The following GNA11 variants were observed in gnomAD, a reference collection of about 807,000 sequenced individuals.
GNA11 encodes G protein subunit alpha 11.
In GNA11, 8 loss-of-function variants were observed where a neutral mutation model predicts 38.2. That is an observed-to-expected ratio of 0.21 (90% CI 0.12 to 0.38). The LOEUF is 0.38. Ranked by LOEUF, GNA11 falls within the 10% of genes least tolerant of loss-of-function variation. The probability of loss-of-function intolerance (pLI) is 1.00; values close to 1 mark genes in which losing one functional copy is unlikely to be tolerated. For missense variants in GNA11, 268 were observed against 516.3 expected (o/e 0.52, Z 4.66); for synonymous variants, 211 against 221.4 (o/e 0.95, Z 0.42).
At chr19:3,112,796 G>T (rs74948761) in intron 2 of GNA11, among the ~76,000 whole-genome samples, 1 of 152,218 alleles carries the variant, frequency 6.6e-6, no homozygotes, top group African/African-American at 2.4e-5. Flanking sequence ...TTTTTCGGAC[G>T]AAAGAGAGAA....
chr19:3,102,443 G>C (rs1746867528), intron 1 of GNA11, among the ~76,000 whole-genome samples: 1 of 152,210 alleles, frequency 6.6e-6, no homozygotes, highest in Admixed American at 6.5e-5. Context: ...GGTGAGCCGG[G>C]TGCACTTCCT....
chr19:3,113,521 C>T (rs2145319084), intron 3 of GNA11, 37 bp downstream of exon 3: 2 of 1,443,112 alleles, frequency 1.4e-6, no homozygotes, highest in Non-Finnish European at 1.8e-6. Flanking sequence ...CTGGGGACGG[C>T]AGCTGCGGGC....
chr19:3,114,513 AGCCTCTG>A (rs1199591586), intron 3 of GNA11, among the ~76,000 whole-genome samples: 2 of 152,102 alleles, frequency 1.3e-5, no homozygotes, highest in Non-Finnish European at 2.9e-5. Context: ...GGACCTCTGC[AGCCTCTG>A]CAGCTGCGAC....
chr19:3,097,016 A>G (rs1353558571), intron 1 of GNA11, among the ~76,000 whole-genome samples: 1 of 152,058 alleles, frequency 6.6e-6, no homozygotes, highest in East Asian at 1.9e-4. Context: ...GAGGACTTTG[A>G]CCACCTGAGG....
At chr19:3,116,140 G>T (rs949695394) in intron 4 of GNA11, among the ~76,000 whole-genome samples, 1 of 152,088 alleles carries the variant, frequency 6.6e-6, no homozygotes, top group Non-Finnish European at 1.5e-5. Context: ...AGCAGAGCCG[G>T]GTTCTCCCTG....
intron 4 of GNA11, among the ~76,000 whole-genome samples, chr19:3,116,429 C>T (rs889383846): frequency 2.0e-5 from 3 of 152,152 alleles, no homozygotes; most frequent in African/African-American, 7.2e-5. Flanking sequence ...CCAGGCCTCA[C>T]TCGGCTCCTA....
chr19:3,105,610 C>G (rs1913621734), intron 1 of GNA11, among the ~76,000 whole-genome samples: 2 of 152,152 alleles, frequency 1.3e-5, no homozygotes, highest in Admixed American at 6.5e-5. Context: ...CCTCCCAACA[C>G]CACTGTCTTA....
chr19:3,109,003 C>T (rs1429635341), intron 1 of GNA11, among the ~76,000 whole-genome samples: 2 of 152,206 alleles, frequency 1.3e-5, no homozygotes, highest in Non-Finnish European at 2.9e-5. Flanking sequence ...AGGAGGAAGG[C>T]CTGTGCCTTT....
chr19:3,096,065 C>T (rs1481956357), intron 1 of GNA11, among the ~76,000 whole-genome samples: 4 of 152,126 alleles, frequency 2.6e-5, no homozygotes, highest in Non-Finnish European at 5.9e-5. Context: ...TGAGAGGCAG[C>T]GGTGACGGAG....
rs548910267 is a variant in GNA11 at position 3,115,657 on chromosome 19, C to T, written c.605+585C>T. ...CAGCATGGGGCTGGGGTCTGGAGTG[C>T]TGGCCGGAGCAGGGGGTGCCGCATG... On this transcript the variant is annotated intron_variant, in intron 4 of 6. Coordinates refer to ENST00000078429, the MANE Select transcript of GNA11 (RefSeq NM_002067.5). 1.5e-4 allele frequency among the ~76,000 whole-genome samples: 22 copies of T among 150,072 alleles called. No individual in the cohort carries two copies. In the East Asian group the frequency reaches 4.2e-3, roughly 29 times the overall value.
chr19:3,109,985 C>T (rs1029820727), intron 1 of GNA11, among the ~76,000 whole-genome samples, 164 bp from the exon 2 acceptor site: 1 of 151,988 alleles, frequency 6.6e-6, no homozygotes, highest in Non-Finnish European at 1.5e-5. Flanking sequence ...AAACTCTTTC[C>T]GAGGAGTCAG....
chr19:3,111,148 C>T (rs983781194), intron 2 of GNA11, among the ~76,000 whole-genome samples: 2 of 128,400 alleles, frequency 1.6e-5, no homozygotes, highest in Admixed American at 9.8e-5. Flanking sequence ...ATTTGATGCC[C>T]TGTTTTTAAA....
chr19:3,102,651 A>G (rs1299423004), intron 1 of GNA11, among the ~76,000 whole-genome samples: 1 of 152,120 alleles, frequency 6.6e-6, no homozygotes, highest in Non-Finnish European at 1.5e-5. Context: ...CCTCCAGTCA[A>G]TCAGGCGCTG....
rs1427651856 is a variant in GNA11, at chr19:3,123,880, G to T, written c.*2701G>T. ...GGAGGAGGGGCTGAGGAGCGGCTCA[G>T]TGTCACCTCCCACAGCCACCGGCCC... On this transcript the variant is annotated 3_prime_UTR_variant, in exon 7 of 7. Coordinates refer to ENST00000078429, the MANE Select transcript of GNA11 (RefSeq NM_002067.5). 1 of 232,624 alleles carries T rather than the reference G, an allele frequency of 4.3e-6. No homozygotes were observed. Among genetic ancestry groups the T allele is most frequent in the Non-Finnish European group, 8.5e-6 (1 of 117,642 alleles). 14.4% of individuals were successfully genotyped at this position (232,624 alleles called of 1,614,324 possible).
intron 1 of GNA11, among the ~76,000 whole-genome samples, chr19:3,107,892 G>T (rs1471937720): frequency 6.6e-6 from 1 of 152,128 alleles, no homozygotes; most frequent in Non-Finnish European, 1.5e-5. Flanking sequence ...GGCGTGTGGG[G>T]GTCCCTCTGG....
At chr19:3,106,725 T>C (rs1913648009) in intron 1 of GNA11, among the ~76,000 whole-genome samples, 2 of 152,122 alleles carry the variant, frequency 1.3e-5, no homozygotes, top group African/African-American at 2.4e-5. Flanking sequence ...ACCATGCACG[T>C]GTGTGCTGAT....
rs1187482614 is a variant in GNA11, at chr19:3,120,077, G to A, written c.889+718G>A. On this transcript the variant is annotated intron_variant, in intron 6 of 6. Coordinates refer to ENST00000078429, the MANE Select transcript of GNA11 (RefSeq NM_002067.5). The surrounding 1 kb of genome is among the most constrained non-coding windows in gnomAD (Gnocchi z 5.9). ...CCCTGCCAGGCACAGTGAGGCCCTGGGCAGCTCTGGCGCCCTCATTTCCAC... is the reference window on the plus strand; with the variant it reads ...CCCTGCCAGGCACAGTGAGGCCCTGAGCAGCTCTGGCGCCCTCATTTCCAC... 2.0e-5 allele frequency among the ~76,000 whole-genome samples: 3 copies of A among 152,026 alleles called. No individual in the cohort carries two copies. Among genetic ancestry groups the A allele is most frequent in the African/African-American group, 7.3e-5 (3 of 41,376 alleles).
rs1050098052 is a variant in GNA11 at position 3,119,414 on chromosome 19, AG to A, written c.889+60del. 4 of 1,501,932 alleles carry A rather than the reference AG, an allele frequency of 2.7e-6. No homozygotes were observed. Among genetic ancestry groups the A allele is most frequent in the Non-Finnish European group, 3.6e-6 (4 of 1,098,672 alleles). The allele number at this position is 1,501,932 out of a possible 1,614,324, so 93.0% of individuals were successfully genotyped here. A position where few individuals can be genotyped will look rare whatever the true frequency, so the allele number is the denominator to read the frequency against. ...TCGCGGGCAGGGCCTTACTGGGGGG[AG>A]GGGGCTGATATGGGAGAGGGGCTCA... On this transcript the variant is annotated intron_variant, in intron 6 of 6. Coordinates refer to ENST00000078429, the MANE Select transcript of GNA11 (RefSeq NM_002067.5). The surrounding 1 kb of genome is among the most constrained non-coding windows in gnomAD (Gnocchi z 4.6).
At chr19:3,109,730 C>T (rs747750358) in intron 1 of GNA11, among the ~76,000 whole-genome samples, 65 of 152,188 alleles carry the variant, frequency 4.3e-4, no homozygotes, top group Non-Finnish European at 1.9e-4. Flanking sequence ...GTCAGGGCAC[C>T]GCCGCCACGT....
Sources: gnomAD v4.1 joint callset for allele counts (sites outside exome capture counted in the v4.1 genomes callset) on GRCh38, gnomAD v4.1.1 for gene constraint, Gnocchi (gnomAD v3.1) non-coding constraint, MANE v1.5 for transcripts, NCBI Gene and HGNC (gene_info 2026-07-23, HGNC 2026-07-21) for gene names.